Variants in TSPAN5 observed in about 807,000 individuals in gnomAD.
The protein encoded by TSPAN5 is tetraspanin-5.
A neutral mutation model predicts 37.1 loss-of-function variants in TSPAN5; 10 were observed. The observed-to-expected ratio is 0.27, with a 90% CI of 0.17 to 0.46. TSPAN5 has a LOEUF of 0.46. Ranked by LOEUF, TSPAN5 falls within the 20% of genes least tolerant of loss-of-function variation. TSPAN5 has a pLI of 1.00. For synonymous variants in TSPAN5, 110 were observed against 118.9 expected (o/e 0.93, Z 0.48); for missense variants, 195 against 326.6 (o/e 0.60, Z 3.11).
At chr4:98,552,481 C>T (rs903753803) in intron 1 of TSPAN5, among the ~76,000 whole-genome samples, 9 of 152,158 alleles carry the variant, frequency 5.9e-5, no homozygotes, top group African/African-American at 2.4e-5. Flanking sequence ...TTGTAGTCTG[C>T]CTCCCTTTTT....
At chr4:98,629,134 CAG>C (rs1178431193) in intron 1 of TSPAN5, among the ~76,000 whole-genome samples, 2 of 152,074 alleles carry the variant, frequency 1.3e-5, no homozygotes, top group Non-Finnish European at 2.9e-5. Context: ...TATCCTGAAA[CAG>C]AAACAATAAG....
intron 1 of TSPAN5, among the ~76,000 whole-genome samples, chr4:98,641,607 C>T (rs573302807): frequency 6.6e-6 from 1 of 152,190 alleles, no homozygotes; most frequent in Non-Finnish European, 1.5e-5. Flanking sequence ...GAACCAAATA[C>T]AGTCAAAGTG....
chr4:98,630,722 C>G (rs1023797622), intron 1 of TSPAN5, among the ~76,000 whole-genome samples: 5 of 152,310 alleles, frequency 3.3e-5, no homozygotes, highest in South Asian at 4.1e-4. Flanking sequence ...AAAAAGTTCT[C>G]TGAGAAAGTA....
chr4:98,574,090 A>G (rs899657832), intron 1 of TSPAN5, among the ~76,000 whole-genome samples: 1 of 152,226 alleles, frequency 6.6e-6, no homozygotes, highest in African/African-American at 2.4e-5. Context: ...TGGCCTGGGA[A>G]AGTATTTGTT....
intron 1 of TSPAN5, among the ~76,000 whole-genome samples, chr4:98,601,467 T>C (rs1178458582): frequency 2.6e-5 from 4 of 152,252 alleles, no homozygotes; most frequent in Non-Finnish European, 5.9e-5. Context: ...CCTTGCGCTT[T>C]TATGTTATGA....
intron 1 of TSPAN5, among the ~76,000 whole-genome samples, chr4:98,585,881 C>T (rs1013563871): frequency 6.6e-6 from 1 of 152,192 alleles, no homozygotes; most frequent in Non-Finnish European, 1.5e-5. Flanking sequence ...CAGTAAAGTT[C>T]CTTGTTCTCC....
At chr4:98,568,008 A>C (rs1171192532) in intron 1 of TSPAN5, among the ~76,000 whole-genome samples, 1 of 152,184 alleles carries the variant, frequency 6.6e-6, no homozygotes, top group Non-Finnish European at 1.5e-5. Flanking sequence ...AAATGAAATA[A>C]TACATGCACA....
At chr4:98,484,048 G>A (rs755309427) in intron 3 of TSPAN5, 76 of 189,956 alleles carry the variant, frequency 4.0e-4, no homozygotes, top group Non-Finnish European at 2.5e-4. Context: ...TTTTAATTCA[G>A]TTTTTGTTCT....
At chr4:98,504,428 G>C (rs566283077) in intron 2 of TSPAN5, among the ~76,000 whole-genome samples, 1 of 152,258 alleles carries the variant, frequency 6.6e-6, no homozygotes, top group African/African-American at 2.4e-5. Flanking sequence ...AGTTACCAAG[G>C]AGATCAACAC....
chr4:98,509,059 G>A (rs1295111386), intron 1 of TSPAN5, among the ~76,000 whole-genome samples: 1 of 152,168 alleles, frequency 6.6e-6, no homozygotes, highest in Admixed American at 6.5e-5. Context: ...GATCAGGACT[G>A]TGTGTAATTG....
chr4:98,477,834 T>C (rs7689142), intron 5 of TSPAN5, among the ~76,000 whole-genome samples: 338 of 151,910 alleles, frequency 2.2e-3, no homozygotes, highest in African/African-American at 7.7e-3. Context: ...AATTTTTTAA[T>C]TTTTTTGTAG....
At chr4:98,579,612 C>G (rs1047423627) in intron 1 of TSPAN5, among the ~76,000 whole-genome samples, 9 of 152,278 alleles carry the variant, frequency 5.9e-5, no homozygotes, top group East Asian at 3.9e-4. Context: ...TGTAAGATAA[C>G]AAGGCAGACA....
At chr4:98,557,064 C>G (rs1029166983) in intron 1 of TSPAN5, among the ~76,000 whole-genome samples, 1 of 152,088 alleles carries the variant, frequency 6.6e-6, no homozygotes, top group Non-Finnish European at 1.5e-5. Context: ...AACAGAAAAT[C>G]TGGAATCATA....
intron 1 of TSPAN5, among the ~76,000 whole-genome samples, chr4:98,588,216 T>C (rs2110203950): frequency 6.6e-6 from 1 of 152,062 alleles, no homozygotes; most frequent in South Asian, 2.1e-4. Flanking sequence ...AGAGATAAAA[T>C]GAAAAAGGAT....
chr4:98,537,216 C>A (rs1754255073), intron 1 of TSPAN5, among the ~76,000 whole-genome samples: 1 of 152,162 alleles, frequency 6.6e-6, no homozygotes, highest in South Asian at 2.1e-4. Flanking sequence ...CAGGCTCAGT[C>A]CCTCACGGCT....
chr4:98,589,626 C>T (rs577560570), intron 1 of TSPAN5, among the ~76,000 whole-genome samples: 19 of 152,324 alleles, frequency 1.2e-4, no homozygotes, highest in Admixed American at 8.5e-4. Context: ...ACCCACAACC[C>T]GGAACTGGCA....
At chr4:98,538,815 T>C (rs28372028) in intron 1 of TSPAN5, among the ~76,000 whole-genome samples, 4,631 of 152,332 alleles carry the variant, frequency 0.03, 105 homozygotes, top group East Asian at 0.065. Context: ...CACTGATAAA[T>C]TTCCTTTGAC....
chr4:98,528,007 C>T (rs1271786100), intron 1 of TSPAN5, among the ~76,000 whole-genome samples: 6 of 152,124 alleles, frequency 3.9e-5, no homozygotes, highest in Non-Finnish European at 8.8e-5. Context: ...TCCCTCACAA[C>T]AAGAATCAAA....
intron 1 of TSPAN5, among the ~76,000 whole-genome samples, chr4:98,651,864 CTTTTTTTTT>C (rs552597633): frequency 2.1e-5 from 2 of 95,242 alleles, no homozygotes; most frequent in African/African-American, 9.4e-5. Flanking sequence ...CTTCAACATA[CTTTTTTTTT>C]TTTTTTTTTT....
Sources: gnomAD v4.1 joint callset for allele counts (sites outside exome capture counted in the v4.1 genomes callset) on GRCh38, gnomAD v4.1.1 for gene constraint, MANE v1.5 for transcripts, NCBI Gene and HGNC (gene_info 2026-07-23, HGNC 2026-07-21) for gene names.